AGBL4: variants seen among roughly 807,000 people sequenced by gnomAD.
AGBL4 encodes the protein cytosolic carboxypeptidase 6.
Under a neutral mutation model 66.4 loss-of-function variants are expected in AGBL4, and 58 were observed. The ratio of observed to expected loss-of-function variants is 0.87; its 90% CI spans 0.71 to 1.09. AGBL4 has a LOEUF of 1.09. AGBL4 is among the 50% of genes least tolerant of loss of function. AGBL4 has a pLI of 0.00. For missense variants in AGBL4, 579 were observed against 631.0 expected (o/e 0.92, Z 0.88); for synonymous variants, 234 against 222.9 (o/e 1.05, Z -0.44).
intron 5 of AGBL4, among the ~76,000 whole-genome samples, chr1:48,987,695 C>A (rs1340119529): frequency 1.3e-5 from 2 of 152,078 alleles, no homozygotes; most frequent in African/African-American, 4.8e-5. Flanking sequence ...TCAACAACAG[C>A]AGGATATATA....
intron 4 of AGBL4, among the ~76,000 whole-genome samples, chr1:49,212,792 T>C (rs948976009): frequency 6.6e-6 from 1 of 152,134 alleles, no homozygotes. Context: ...ATGCTGCTTT[T>C]AGTCCTTGGT....
intron 2 of AGBL4, among the ~76,000 whole-genome samples, chr1:49,741,235 C>A (rs1274423437): frequency 6.6e-6 from 1 of 152,148 alleles, no homozygotes; most frequent in Non-Finnish European, 1.5e-5. Context: ...ACCAATCCCA[C>A]AGAAATACAA....
chr1:49,915,638 T>C (rs1199379492), intron 1 of AGBL4, among the ~76,000 whole-genome samples: 3 of 152,146 alleles, frequency 2.0e-5, no homozygotes, highest in Non-Finnish European at 2.9e-5. Flanking sequence ...TGACTGCCTT[T>C]GTAGACGCCA....
At chr1:49,382,055 C>T (rs1644627640) in intron 3 of AGBL4, among the ~76,000 whole-genome samples, 2 of 152,008 alleles carry the variant, frequency 1.3e-5, no homozygotes, top group East Asian at 3.9e-4. Context: ...ACACTCAGGA[C>T]TTTCACACAA....
chr1:49,648,459 T>C (rs1645935584), intron 3 of AGBL4, among the ~76,000 whole-genome samples: 1 of 151,936 alleles, frequency 6.6e-6, no homozygotes, highest in Non-Finnish European at 1.5e-5. Context: ...GCAAACATGA[T>C]GACTAAGAGT....
intron 1 of AGBL4, among the ~76,000 whole-genome samples, chr1:49,990,009 G>A (rs1357132719): frequency 6.6e-6 from 1 of 152,098 alleles, no homozygotes; most frequent in East Asian, 1.9e-4. Context: ...AGTGAGGGGT[G>A]GAAGGCAGCT....
chr1:48,968,473 C>G (rs1304041143), intron 5 of AGBL4, among the ~76,000 whole-genome samples: 1 of 152,062 alleles, frequency 6.6e-6, no homozygotes, highest in Non-Finnish European at 1.5e-5. Flanking sequence ...AGAGGGGCAT[C>G]TAAACAGACT....
intron 11 of AGBL4, among the ~76,000 whole-genome samples, chr1:48,550,278 G>C (rs1644229427): frequency 6.6e-6 from 1 of 151,558 alleles, no homozygotes; most frequent in Admixed American, 6.6e-5. Context: ...AGTTTCACTG[G>C]GGCCAAAATC....
intron 3 of AGBL4, among the ~76,000 whole-genome samples, chr1:49,451,720 G>A (rs917948561): frequency 1.3e-5 from 2 of 151,908 alleles, no homozygotes; most frequent in African/African-American, 4.8e-5. Context: ...TATGGACTAG[G>A]GTCTCCTCAG....
At chr1:48,871,353 T>TTGTGTGTGTGTGTGTGTGTGTGTGTGTG (rs138337930) in intron 5 of AGBL4, among the ~76,000 whole-genome samples, 3 of 141,090 alleles carry the variant, frequency 2.1e-5, no homozygotes, top group East Asian at 2.1e-4. Flanking sequence ...GTAGTAGTGG[T>TTGTGTGTGTGTGTGTGTGTGTGTGTGTG]TGTGTGTGTG....
At chr1:48,993,179 C>T (rs1258439801) in intron 5 of AGBL4, among the ~76,000 whole-genome samples, 11 of 152,114 alleles carry the variant, frequency 7.2e-5, no homozygotes, top group Admixed American at 5.2e-4. Flanking sequence ...TTCAGGGCCA[C>T]GGGCTCTTTA....
intron 3 of AGBL4, among the ~76,000 whole-genome samples, chr1:49,461,461 T>C (rs553320164): frequency 1.1e-3 from 160 of 150,860 alleles, no homozygotes; most frequent in Admixed American, 5.0e-3. Context: ...TTTTTTTTTA[T>C]TTATGCGATC....
chr1:49,302,667 T>TATTTTATTTTA (rs1375860886), intron 3 of AGBL4, among the ~76,000 whole-genome samples: 3 of 146,824 alleles, frequency 2.0e-5, no homozygotes, highest in Non-Finnish European at 4.5e-5. Context: ...TATTTTATTT[T>TATTTTATTTTA]ATTTTATTTT....
intron 4 of AGBL4, among the ~76,000 whole-genome samples, chr1:49,137,238 C>G (rs80254988): frequency 0.028 from 4,210 of 152,230 alleles, 170 homozygotes; most frequent in African/African-American, 0.096. Flanking sequence ...GAATTTGAAC[C>G]CTCATCTTCC....
intron 6 of AGBL4, among the ~76,000 whole-genome samples, chr1:48,763,677 T>C (rs1161745542): frequency 6.6e-6 from 1 of 152,218 alleles, no homozygotes; most frequent in Non-Finnish European, 1.5e-5. Context: ...GCTGAAACTC[T>C]GTAGCTCAGG....
At position 49,702,868 on chromosome 1, in the gene AGBL4, TA is replaced by T. The variant is rs199826614; in HGVS notation, c.158-5432del. On this transcript the variant is annotated intron_variant, in intron 2 of 13. Coordinates refer to ENST00000371839, the MANE Select transcript of AGBL4 (RefSeq NM_032785.4). ...ACACAAGGATCATCTAATAGATGCA[TA>T]AAAAAAATCTGACAAAATCTTACAC... Among the ~76,000 whole-genome samples, 686 of 151,878 alleles carry T rather than the reference TA, an allele frequency of 4.5e-3. 7 individuals are homozygous for T. The highest frequency in any genetic ancestry group is 0.015 in the African/African-American group (636 of 41,426).
At chr1:48,907,423 CGT>C (rs1326754712) in intron 5 of AGBL4, among the ~76,000 whole-genome samples, 1 of 152,208 alleles carries the variant, frequency 6.6e-6, no homozygotes, top group Non-Finnish European at 1.5e-5. Flanking sequence ...TAAAGGTCCA[CGT>C]GTTTCTCAAA....
intron 9 of AGBL4, 190 bp downstream of exon 9, chr1:48,634,303 G>A: frequency 2.2e-6 from 1 of 464,822 alleles, no homozygotes; most frequent in South Asian, 3.5e-5. Context: ...ATTTGTGAGA[G>A]GTTGCAGGAA....
intron 2 of AGBL4, among the ~76,000 whole-genome samples, chr1:49,739,520 G>T (rs1650228943): frequency 6.6e-6 from 1 of 152,072 alleles, no homozygotes; most frequent in Non-Finnish European, 1.5e-5. Context: ...ATCTAGCAAG[G>T]CAGGCCAACA....
Sources: allele counts gnomAD v4.1 joint callset (sites outside exome capture counted in the v4.1 genomes callset), GRCh38; gene constraint gnomAD v4.1.1; transcripts MANE v1.5; gene names NCBI Gene and HGNC (gene_info 2026-07-23, HGNC 2026-07-21).